Variants in IGFL2 observed in about 807,000 individuals in gnomAD.
IGFL2 encodes insulin growth factor-like family member 2.
In IGFL2, 7 loss-of-function variants were observed where a neutral mutation model predicts 13.9. That is an observed-to-expected ratio of 0.51 (90% CI 0.29 to 0.95). The LOEUF (loss-of-function observed/expected upper bound fraction) is 0.95. Among genes scored for constraint, IGFL2 ranks in the 40% least tolerant of loss-of-function variants. The pLI is 0.08. For missense variants in IGFL2, 138 were observed against 147.8 expected, an observed-to-expected ratio of 0.93 and a Z score of 0.34; for synonymous variants, 55 against 55.8, an observed-to-expected ratio of 0.99 and a Z score of 0.07.
chr19:46,136,281 T>G, the IGFL2 span, among the ~76,000 whole-genome samples: 4 of 152,174 alleles, frequency 2.6e-5, no homozygotes, highest in Non-Finnish European at 4.4e-5. Flanking sequence ...GGTTTCATTC[T>G]TTTTTTAAGA....
chr19:46,172,446 G>C, the IGFL2 span, among the ~76,000 whole-genome samples: 1 of 152,204 alleles, frequency 6.6e-6, no homozygotes. Context: ...AGCCAGTTGA[G>C]GTGTTTGCTG....
chr19:46,211,090 A>G, the IGFL2 span, among the ~76,000 whole-genome samples: 4 of 152,220 alleles, frequency 2.6e-5, no homozygotes, highest in Admixed American at 6.5e-5. Context: ...TTCCAGACAC[A>G]GAAATGGCAC....
the IGFL2 span, chr19:46,190,522 G>A: frequency 6.6e-6 from 1 of 152,262 alleles, no homozygotes; most frequent in Non-Finnish European, 1.5e-5. Flanking sequence ...ACAGGGTGCA[G>A]ACAGTCAAGG....
chr19:46,119,283 C>T, the IGFL2 span, among the ~76,000 whole-genome samples: 5 of 152,138 alleles, frequency 3.3e-5, no homozygotes, highest in African/African-American at 7.2e-5. Flanking sequence ...GCCAACTGAT[C>T]GCATCTTCTT....
the IGFL2 span, chr19:46,124,722 G>A: frequency 3.8e-6 from 5 of 1,310,214 alleles, no homozygotes; most frequent in Admixed American, 1.7e-5. Flanking sequence ...AGCCTAAATG[G>A]GGTTGTCTGT....
chr19:46,167,778 C>T, the IGFL2 span, among the ~76,000 whole-genome samples: 1 of 152,090 alleles, frequency 6.6e-6, no homozygotes, highest in Non-Finnish European at 1.5e-5. Flanking sequence ...TAAGAAGAGC[C>T]ACCAGAGAGC....
the IGFL2 span, among the ~76,000 whole-genome samples, chr19:46,083,748 A>G: frequency 2.0e-5 from 3 of 152,182 alleles, no homozygotes; most frequent in African/African-American, 7.2e-5. Flanking sequence ...TTAGCCACAG[A>G]AAGTTGAGAG....
the IGFL2 span, among the ~76,000 whole-genome samples, chr19:46,096,751 C>T: frequency 5.9e-5 from 9 of 152,052 alleles, no homozygotes; most frequent in East Asian, 7.7e-4. Flanking sequence ...CTATGAGAGG[C>T]GTTTTTCTGC....
At chr19:46,172,936 A>C in the IGFL2 span, among the ~76,000 whole-genome samples, 5 of 152,136 alleles carry the variant, frequency 3.3e-5, no homozygotes, top group African/African-American at 1.2e-4. Flanking sequence ...CAGTGCCTTC[A>C]TACCCCTCTA....
the IGFL2 span, among the ~76,000 whole-genome samples, chr19:46,191,502 G>C: frequency 6.6e-6 from 1 of 152,202 alleles, no homozygotes; most frequent in South Asian, 2.1e-4. Context: ...CGTTGCCAGA[G>C]TGGATAGGTG....
chr19:46,093,788 G>A, the IGFL2 span, among the ~76,000 whole-genome samples: 3 of 152,064 alleles, frequency 2.0e-5, no homozygotes, highest in Admixed American at 2.0e-4. Context: ...TTCACTGTCT[G>A]TCTGTTTGAA....
chr19:46,114,985 A>G, the IGFL2 span, among the ~76,000 whole-genome samples: 1 of 152,132 alleles, frequency 6.6e-6, no homozygotes, highest in African/African-American at 2.4e-5. Context: ...AATATTGAGG[A>G]CCAGTGTCCT....
the IGFL2 span, among the ~76,000 whole-genome samples, chr19:46,194,854 T>TATATATATA: frequency 2.1e-4 from 4 of 18,760 alleles, no homozygotes; most frequent in African/African-American, 3.7e-4. Flanking sequence ...ATATATATAT[T>TATATATATA]TTTTTTTTTT....
the IGFL2 span, among the ~76,000 whole-genome samples, chr19:46,083,461 A>G: frequency 1.8e-4 from 28 of 152,236 alleles, no homozygotes; most frequent in African/African-American, 6.0e-4. Flanking sequence ...ATGTATGCAA[A>G]TGTGTAGAAT....
the IGFL2 span, chr19:46,110,944 TTTG>T: frequency 2.6e-5 from 4 of 152,198 alleles, no homozygotes; most frequent in Non-Finnish European, 4.4e-5. Flanking sequence ...AATGAGGAGC[TTTG>T]TTATTTTTTT....
the IGFL2 span, among the ~76,000 whole-genome samples, chr19:46,110,199 T>C: frequency 6.6e-6 from 1 of 152,246 alleles, no homozygotes; most frequent in Admixed American, 6.5e-5. Context: ...ACTGCCTTTG[T>C]TCTGCTTCTG....
Position 46,161,143 on chromosome 19 carries a change from A to G in IGFL2, c.*55A>G, listed in dbSNP as rs10408162. On this transcript the variant is annotated 3_prime_UTR_variant, in exon 4 of 4. Coordinates refer to ENST00000377693, the MANE Select transcript of IGFL2 (RefSeq NM_001135113.2). ...TAAGGCATCTCAGAAACATAGGCTA[A>G]GGTAATATGTGTACCAGTAGAGAAG... 0.63 allele frequency: 888,920 copies of G among 1,400,466 alleles called. 286,451 individuals carry two copies. Among genetic ancestry groups the G allele is most frequent in the African/African-American group, 0.74 (52,091 of 70,680 alleles). The allele number at this position is 1,400,466 out of a possible 1,614,324, so 86.8% of individuals were successfully genotyped here.
chr19:46,165,937 G>C (rs1341998603), downstream of IGFL2, among the ~76,000 whole-genome samples: 1 of 152,208 alleles, frequency 6.6e-6, no homozygotes, highest in Non-Finnish European at 1.5e-5. Context: ...GCCCCCTTTG[G>C]GGAGGCTGAC....
upstream of IGFL2, among the ~76,000 whole-genome samples, chr19:46,141,444 C>A (rs1187609527): frequency 6.6e-6 from 1 of 152,102 alleles, no homozygotes; most frequent in East Asian, 1.9e-4. Context: ...TCATGAGTTT[C>A]ACTGCTTAAA....
Sources: allele counts gnomAD v4.1 joint callset (sites outside exome capture counted in the v4.1 genomes callset), GRCh38; gene constraint gnomAD v4.1.1; transcripts MANE v1.5; gene names NCBI Gene and HGNC (gene_info 2026-07-23, HGNC 2026-07-21).